Variants in MDM4 observed in about 807,000 individuals in gnomAD.
MDM4 encodes the protein protein Mdm4.
MDM4 carries 2 observed loss-of-function variants against 60.2 expected under a neutral mutation model. The ratio of observed to expected loss-of-function variants is 0.03; its 90% confidence interval spans 0.01 to 0.10. The LOEUF is 0.10. Among genes scored for constraint, MDM4 ranks in the 10% least tolerant of loss-of-function variants. The probability of loss-of-function intolerance (pLI) is 1.00; values close to 1 mark genes in which losing one functional copy is unlikely to be tolerated. For synonymous variants in MDM4, 202 were observed against 198.1 expected (o/e 1.02, Z -0.17); for missense variants, 447 against 577.5 (o/e 0.77, Z 2.32).
In MDM4 at chr1:204,544,391, A is replaced by G. The variant is rs538883946; in HGVS notation, c.673-144A>G. ...TAGGTGTCAAGTAGATATATGTTGA[A>G]TGAATACATGTCCACTGAATAAAGG... is the stretch of plus-strand genomic sequence containing the variant. On this transcript the variant is annotated intron_variant, in intron 8 of 10. Coordinates refer to ENST00000367182, the MANE Select transcript of MDM4 (RefSeq NM_002393.5). 29 of 702,354 alleles carry G rather than the reference A, an allele frequency of 4.1e-5. No individual in the cohort carries two copies. The Admixed American group carries it at 6.5e-4, about 16-fold the overall frequency. The allele number at this position is 702,354 out of a possible 1,614,324, so 43.5% of individuals were successfully genotyped here.
chr1:204,538,385 G>A (rs1186031599), intron 7 of MDM4, 77 bp downstream of exon 7: 1 of 787,624 alleles, frequency 1.3e-6, no homozygotes, highest in East Asian at 2.5e-5. Flanking sequence ...CTCTCCGTAT[G>A]TGAAGTAGGA....
chr1:204,535,730 ACCAGGCTGGTGGGTTGC>A (rs1661341913), intron 5 of MDM4, among the ~76,000 whole-genome samples: 1 of 151,470 alleles, frequency 6.6e-6, no homozygotes, highest in Non-Finnish European at 1.5e-5. Flanking sequence ...ATGAGGTTTC[ACCAGGCTGGTGGGTTGC>A]CCAGGCTGGT....
rs1301953056 is a variant in MDM4, at chr1:204,553,838, A to C, written c.*4156A>C. ...ATAAAAATCTTAGACCAGATCTTTA[A>C]TATGGTATGCCATTTCCCCAGTCTA... On this transcript the variant is annotated 3_prime_UTR_variant, in exon 11 of 11. Coordinates refer to ENST00000367182, the MANE Select transcript of MDM4 (RefSeq NM_002393.5). 9.1e-6 allele frequency: 2 copies of C among 220,342 alleles called. No individual in the cohort carries two copies. The highest frequency in any genetic ancestry group is 1.8e-5 in the Non-Finnish European group (2 of 109,926). The allele number at this position is 220,342 out of a possible 1,614,324, so 13.6% of individuals were successfully genotyped here. A position where few individuals can be genotyped will look rare whatever the true frequency, so the allele number is the denominator to read the frequency against.
chr1:204,537,461 T>TCACAGG lies in MDM4; in HGVS notation c.380_381insGCACAG (p.His126_Ser127insArgHis). On this transcript the variant is annotated inframe_insertion, in exon 6 of 11. Coordinates refer to ENST00000367182, the MANE Select transcript of MDM4 (RefSeq NM_002393.5). ...CTCAGACTCTCGCTCTCGCACAGGA[T>TCACAGG]CACAGTATGGATATTCCAAGTCAAG... 6.2e-7 allele frequency: 1 copy of TCACAGG among 1,614,008 alleles called. No homozygotes were observed. The highest frequency in any genetic ancestry group is 8.5e-7 in the Non-Finnish European group (1 of 1,179,850).
At chr1:204,544,706 T>A (rs1662474548) in intron 9 of MDM4, 22 bp downstream of exon 9, 1 of 1,599,196 alleles carries the variant, frequency 6.3e-7, no homozygotes, top group Admixed American at 1.7e-5. Context: ...AAAAATTCCA[T>A]GTTGATTCTG....
Position 204,549,121 on chromosome 1 carries a change from G to A in MDM4, c.912G>A (p.Trp304Ter). The change falls in exon 11 of 11, where the codon TGG (tryptophan) becomes TGA (stop). Residue 304 changes from tryptophan to a stop codon, truncating the protein, a stop_gained. Transcript: ENST00000367182. LOFTEE classifies it high-confidence loss of function. ...TTCACTTGTCTTTGTAGGATGAGTG[G>A]CAGTGTACTGAATGCAAGAAATTTA... is the stretch of plus-strand genomic sequence containing the variant. Reference protein sequence around the residue: ...TDVEVTSEDEWQCTECKKFNS... With the variant: ...TDVEVTSEDE 1 of 1,599,492 alleles carries A rather than the reference G, an allele frequency of 6.3e-7. No homozygotes were observed. The highest frequency in any genetic ancestry group is 8.5e-7 in the Non-Finnish European group (1 of 1,170,038).
Position 204,549,835 on chromosome 1 carries a change from T to G in MDM4, c.*153T>G. 1 of 554,622 alleles carries G rather than the reference T, an allele frequency of 1.8e-6. No homozygotes were observed. The highest frequency in any genetic ancestry group is 2.8e-5 in the South Asian group (1 of 35,664). The allele number at this position is 554,622 out of a possible 1,614,324, so 34.4% of individuals were successfully genotyped here. ...GTAAGAAAAATACTGGAGCTAACAA[T>G]GAAGAACAGAAGTAATCTGATTAGT... On this transcript the variant is annotated 3_prime_UTR_variant, in exon 11 of 11. Coordinates refer to ENST00000367182, the MANE Select transcript of MDM4 (RefSeq NM_002393.5).
At chr1:204,537,856 TG>T in intron 6 of MDM4, 1 of 662,834 alleles carries the variant, frequency 1.5e-6, no homozygotes, top group Non-Finnish European at 2.9e-6. Context: ...TCCCCAAACC[TG>T]GGGAAACTTT....
intron 1 of MDM4, among the ~76,000 whole-genome samples, chr1:204,521,967 G>T (rs913028846): frequency 1.3e-4 from 20 of 152,074 alleles, no homozygotes; most frequent in African/African-American, 4.6e-4. Flanking sequence ...TTTAAAAATG[G>T]GTGTTCATAT....
chr1:204,526,286 G>C (rs1439608840), intron 2 of MDM4, 74 bp from the exon 3 acceptor site: 3 of 1,310,620 alleles, frequency 2.3e-6, no homozygotes, highest in Non-Finnish European at 3.3e-6. Context: ...GCTGTTTAAA[G>C]AGGTTCTCTT....
At chr1:204,521,424 C>T (rs1659557313) in intron 1 of MDM4, among the ~76,000 whole-genome samples, 1 of 151,900 alleles carries the variant, frequency 6.6e-6, no homozygotes, top group Non-Finnish European at 1.5e-5. Context: ...TTAAGGACAC[C>T]TCGAGACCGT....
At chr1:204,539,061 G>A (rs1419668284) in intron 7 of MDM4, among the ~76,000 whole-genome samples, 1 of 151,954 alleles carries the variant, frequency 6.6e-6, no homozygotes, top group African/African-American at 2.4e-5. Flanking sequence ...TAGAGATGGG[G>A]TTTCCCCACG....
intron 2 of MDM4, 33 bp from the exon 3 acceptor site, chr1:204,526,327 G>A: frequency 6.4e-7 from 1 of 1,564,164 alleles, no homozygotes; most frequent in Non-Finnish European, 8.8e-7. Context: ...TACTTGAAAT[G>A]TAAATAGCAC....
At chr1:204,548,427 C>G (rs1662876830) in intron 10 of MDM4, among the ~76,000 whole-genome samples, 1 of 152,180 alleles carries the variant, frequency 6.6e-6, no homozygotes, top group Non-Finnish European at 1.5e-5. Context: ...CTGTCAAAGC[C>G]AGTTAACCGC....
chr1:204,549,048 C>T (rs1241183354), intron 10 of MDM4, 65 bp from the exon 11 acceptor site: 1 of 1,002,264 alleles, frequency 1.0e-6, no homozygotes. Flanking sequence ...AATTTGACCT[C>T]CTTTCCTTTT....
At chr1:204,543,329 C>T (rs949894788) in intron 8 of MDM4, among the ~76,000 whole-genome samples, 1 of 152,186 alleles carries the variant, frequency 6.6e-6, no homozygotes, top group Non-Finnish European at 1.5e-5. Flanking sequence ...AACATAGACA[C>T]CATTTTTACA....
rs1323545244 is a variant in MDM4 at position 204,539,639 on chromosome 1, C to T, written c.511+1331C>T. ...ACAACCTCCACCTCCCGTGTTCAAG[C>T]GATTCTCCTGCCTCAGCCTCCTAAG... On this transcript the variant is annotated intron_variant, in intron 7 of 10. Coordinates refer to ENST00000367182, the MANE Select transcript of MDM4 (RefSeq NM_002393.5). Among the ~76,000 whole-genome samples the T allele has an allele frequency of 5.4e-5, 8 of 149,420 alleles. 1 individual carries two copies. In the East Asian group the frequency reaches 6.1e-4, roughly 11 times the overall value.
intron 6 of MDM4, chr1:204,537,972 A>G: frequency 1.4e-6 from 1 of 739,982 alleles, no homozygotes; most frequent in Non-Finnish European, 2.5e-6. Flanking sequence ...TTAACAGTAG[A>G]TTTTGGCCTT....
chr1:204,545,297 G>C (rs1662546867), intron 9 of MDM4, among the ~76,000 whole-genome samples: 1 of 152,142 alleles, frequency 6.6e-6, no homozygotes, highest in Admixed American at 6.5e-5. Flanking sequence ...AGCTATTTTA[G>C]TGTTAAAATA....
Sources: gnomAD v4.1 joint callset for allele counts (sites outside exome capture counted in the v4.1 genomes callset) on GRCh38, gnomAD v4.1.1 for gene constraint, MANE v1.5 for transcripts, NCBI Gene and HGNC (gene_info 2026-07-23, HGNC 2026-07-21) for gene names.